The following SI variants were observed in gnomAD, a reference collection of about 807,000 sequenced individuals.
SI encodes the protein sucrase-isomaltase.
Under a neutral mutation model 253.3 loss-of-function variants are expected in SI, and 235 were observed. That is an observed-to-expected ratio of 0.93 (90% CI 0.83 to 1.03). The LOEUF is 1.03. Among genes scored for constraint, SI ranks in the 50% least tolerant of loss-of-function variants. The pLI is 0.00. For missense variants in SI, 2,442 were observed against 2,211.1 expected, an observed-to-expected ratio of 1.10 and a Z score of -2.09; for synonymous variants, 819 against 712.0, an observed-to-expected ratio of 1.15 and a Z score of -2.39.
At chr3:165,081,084 G>A (rs938216988), upstream of SI, among the ~76,000 whole-genome samples, 8 of 151,596 alleles carry the variant, frequency 5.3e-5, no homozygotes, top group African/African-American at 1.7e-4. Context: ...ATCGAATAAG[G>A]TGTTCAAAAA....
chr3:164,992,529 A>T lies in SI; in HGVS notation c.4842-132T>A, dbSNP rs1253883943. On this transcript the variant is annotated intron_variant, in intron 41 of 47. Coordinates refer to ENST00000264382, the MANE Select transcript of SI (RefSeq NM_001041.4). ...AAAATAAAAACAAAACTGTAAAAAA[A>T]TTAAAAAATATATCAGTTGGAATGT... 7 of 654,590 alleles carry T rather than the reference A, an allele frequency of 1.1e-5. No homozygotes were observed. In the African/African-American group the frequency reaches 1.3e-4, roughly 12 times the overall value. 40.5% of individuals were successfully genotyped at this position (654,590 alleles called of 1,614,324 possible).
At chr3:164,982,898 A>G in intron 46 of SI, 104 bp downstream of exon 46, 2 of 1,114,976 alleles carry the variant, frequency 1.8e-6, no homozygotes, top group Non-Finnish European at 2.6e-6. Context: ...CAATCCTCCC[A>G]TGTCAGCCTC....
At chr3:165,072,204 T>C (rs1455240747) in intron 3 of SI, among the ~76,000 whole-genome samples, 9 of 152,026 alleles carry the variant, frequency 5.9e-5, no homozygotes, top group Non-Finnish European at 1.3e-4. Context: ...TTTAACCAAC[T>C]TCAATCTCTA....
the SI span, among the ~76,000 whole-genome samples, chr3:165,090,092 C>T: frequency 5.8e-4 from 88 of 150,886 alleles, no homozygotes; most frequent in South Asian, 1.3e-3. Flanking sequence ...ATTAGGAGAT[C>T]GGAGTTAATT....
chr3:165,052,446 A>G (rs960487236), intron 13 of SI, among the ~76,000 whole-genome samples: 3 of 152,142 alleles, frequency 2.0e-5, no homozygotes, highest in African/African-American at 7.2e-5. Flanking sequence ...ATTTGAGTCC[A>G]GGAGTTCCAG....
chr3:165,029,610 GTA>G (rs1222154858), intron 25 of SI, among the ~76,000 whole-genome samples: 3 of 143,460 alleles, frequency 2.1e-5, no homozygotes, highest in African/African-American at 5.0e-5. Flanking sequence ...ACATATATAT[GTA>G]TATATATGTA....
intron 33 of SI, among the ~76,000 whole-genome samples, chr3:165,014,264 T>A (rs933830269): frequency 1.3e-5 from 2 of 152,164 alleles, no homozygotes; most frequent in Non-Finnish European, 2.9e-5. Flanking sequence ...TTGTTGTTGT[T>A]TTGAGACGGA....
chr3:165,033,336 G>C (rs541040355), intron 23 of SI, 59 bp downstream of exon 23: 2 of 1,424,624 alleles, frequency 1.4e-6, no homozygotes, highest in Non-Finnish European at 1.9e-6. Flanking sequence ...TATCATAAAA[G>C]AATAACCTAG....
intron 15 of SI, among the ~76,000 whole-genome samples, chr3:165,047,985 A>G (rs1258116679): frequency 1.3e-5 from 2 of 152,056 alleles, no homozygotes; most frequent in Admixed American, 1.3e-4. Context: ...TTTCCATGTT[A>G]TAATCTTTAT....
intron 43 of SI, 59 bp from the exon 44 acceptor site, chr3:164,991,536 C>G: frequency 1.3e-6 from 2 of 1,563,516 alleles, no homozygotes; most frequent in South Asian, 1.1e-5. Context: ...ATCAGCAACA[C>G]TGGTAGTTGA....
chr3:165,082,528 C>A (rs973848122), upstream of SI, among the ~76,000 whole-genome samples: 2 of 151,914 alleles, frequency 1.3e-5, no homozygotes, highest in Admixed American at 6.6e-5. Flanking sequence ...AAACCCTATA[C>A]CTTTCATATT....
Position 164,998,618 on chromosome 3 carries a change from G to A in SI, c.4462C>T (p.Pro1488Ser), listed in dbSNP as rs267599667. ...RGIVISRSTY[P>S]TSGRWGGHWL... is the part of the protein sequence containing the mutation. ...TGTCCTCCCCATCGTCCACTAGTAG[G>A]ATACGTGGAACGAGAAATTACAATC... The change falls in exon 38 of 48, where the codon CCT becomes TCT. Residue 1488 changes from proline (P) to serine (S), a missense_variant. By Grantham distance (74) the Pro-to-Ser change is moderately conservative. Transcript: ENST00000264382. 6.2e-7 allele frequency: 1 copy of A among 1,609,972 alleles called. No individual in the cohort carries two copies. The highest frequency in any genetic ancestry group is 8.5e-7 in the Non-Finnish European group (1 of 1,176,700).
rs752200597 is a variant in SI at position 165,015,091 on chromosome 3, A to G, written c.3999+32T>C. The G allele has an allele frequency of 7.4e-6, 11 of 1,480,960 alleles. No individual in the cohort carries two copies. In the Admixed American group the frequency reaches 1.5e-4, roughly 20 times the overall value. 91.7% of individuals were successfully genotyped at this position (1,480,960 alleles called of 1,614,324 possible). ...ACTTTCATTGAAATATAATTTTTGT[A>G]TTTATTCTATTTCAAGATATCGATT... is the stretch of plus-strand genomic sequence containing the variant. On this transcript the variant is annotated intron_variant, in intron 33 of 47. Transcript: ENST00000264382.
At chr3:165,087,825 C>T in the SI span, among the ~76,000 whole-genome samples, 89,030 of 151,898 alleles carry the variant, frequency 0.59, 26,440 homozygotes, top group East Asian at 0.81. Context: ...TTACCTTATT[C>T]AGTAAACATA....
chr3:165,004,364 A>G (rs777820335), intron 37 of SI, among the ~76,000 whole-genome samples: 39 of 152,184 alleles, frequency 2.6e-4, no homozygotes, highest in Non-Finnish European at 3.8e-4. Flanking sequence ...ATGTAAATTC[A>G]TACAACCACT....
Position 164,982,307 on chromosome 3 carries a change from G to T in SI, c.5351C>A (p.Ala1784Glu). The T allele has an allele frequency of 1.2e-6, 2 of 1,612,978 alleles. No homozygotes were observed. Among genetic ancestry groups the T allele is most frequent in the Non-Finnish European group, 1.7e-6 (2 of 1,179,316 alleles). The change falls in exon 47 of 48, where the codon GCA (alanine) becomes GAA (glutamate). Residue 1784 changes from alanine to glutamate, a missense_variant. Ala to Glu is a moderately radical substitution (Grantham distance 107). Transcript: ENST00000264382. Reference protein sequence around the residue: ...VWGKGTTPVNAVTLTYNGNKN... With the variant: ...VWGKGTTPVNEVTLTYNGNKN... ...ATTTCCGTTATACGTTAGAGTAACT[G>T]CATTGACAGGAGTAGTTCCTTTCCC...
At chr3:165,004,915 G>GCCC (rs1718429390) in intron 37 of SI, among the ~76,000 whole-genome samples, 1 of 152,118 alleles carries the variant, frequency 6.6e-6, no homozygotes, top group Non-Finnish European at 1.5e-5. Context: ...GACCTGGTGG[G>GCCC]AGGTGATTCC....
chr3:165,011,101 T>G (rs1266101262), intron 34 of SI, among the ~76,000 whole-genome samples: 1 of 152,280 alleles, frequency 6.6e-6, no homozygotes, highest in South Asian at 2.1e-4. Flanking sequence ...TTTCTATTTA[T>G]TTTGTGTTTT....
chr3:164,992,435 A>C, intron 41 of SI, 38 bp from the exon 42 acceptor site: 1 of 1,347,724 alleles, frequency 7.4e-7, no homozygotes, highest in South Asian at 1.2e-5. Flanking sequence ...ATTAAAACAA[A>C]TAACTTTCTT....
Sources: allele counts gnomAD v4.1 joint callset (sites outside exome capture counted in the v4.1 genomes callset), GRCh38; gene constraint gnomAD v4.1.1; transcripts MANE v1.5; gene names NCBI Gene and HGNC (gene_info 2026-07-23, HGNC 2026-07-21).